Variants in DPP3 observed in about 807,000 individuals in gnomAD.
DPP3 encodes dipeptidyl peptidase 3, also known as DPP III.
DPP3 carries 64 observed loss-of-function variants against 89.8 expected under a neutral mutation model. The ratio of observed to expected loss-of-function variants is 0.71; its 90% CI spans 0.58 to 0.88. The LOEUF (loss-of-function observed/expected upper bound fraction) is 0.88. Ranked by LOEUF, DPP3 falls within the 40% of genes least tolerant of loss-of-function variation. DPP3 has a pLI of 0.00. For missense variants in DPP3, 835 were observed against 972.5 expected (o/e 0.86, Z 1.88); for synonymous variants, 377 against 404.3 (o/e 0.93, Z 0.81).
In DPP3 at chr11:66,491,845, C is replaced by G. The variant is rs545193609; in HGVS notation, c.988+89C>G. On this transcript the variant is annotated intron_variant, in intron 9 of 17. Coordinates refer to ENST00000531863, the MANE Select transcript of DPP3 (RefSeq NM_130443.4). The stretch of plus-strand genomic sequence containing the variant: ...GTGTCCCCTGATGGTTCTCCCCACC[C>G]CCGCTCAGCCATAACCATAACAGTA... The G allele has an allele frequency of 2.2e-6, 3 of 1,394,040 alleles. No homozygotes were observed. In the South Asian group the frequency reaches 3.5e-5, roughly 16 times the overall value. The allele number at this position is 1,394,040 out of a possible 1,614,324, so 86.4% of individuals were successfully genotyped here. A position where few individuals can be genotyped will look rare whatever the true frequency, so the allele number is the denominator to read the frequency against.
intron 12 of DPP3, 111 bp downstream of exon 12, chr11:66,493,744 T>C: frequency 3.4e-6 from 4 of 1,183,904 alleles, no homozygotes; most frequent in Non-Finnish European, 4.7e-6. Context: ...AGCTATGGGT[T>C]GAGTGGGGAA....
intron 16 of DPP3, among the ~76,000 whole-genome samples, chr11:66,503,718 T>C: frequency 6.6e-6 from 1 of 152,152 alleles, no homozygotes; most frequent in Non-Finnish European, 1.5e-5. Flanking sequence ...AAATCCCATC[T>C]CTACTAAAAA....
intron 2 of DPP3, 58 bp from the exon 3 acceptor site, chr11:66,485,115 G>A: frequency 9.9e-6 from 15 of 1,514,982 alleles, no homozygotes; most frequent in East Asian, 2.3e-5. Context: ...AGGAGGAGGT[G>A]TCGCTGGGGT....
At chr11:66,490,773 T>A (rs35138334) in intron 6 of DPP3, among the ~76,000 whole-genome samples, 1 of 123,656 alleles carries the variant, frequency 8.1e-6, no homozygotes, top group Non-Finnish European at 1.7e-5. Context: ...TTTTGTTTTG[T>A]TTTTTTTTTT....
At chr11:66,504,910 G>C (rs534160897) in intron 17 of DPP3, 136 bp downstream of exon 17, 40 of 964,484 alleles carry the variant, frequency 4.1e-5, no homozygotes, top group Middle Eastern at 3.5e-4. Context: ...TTTCTGCCAA[G>C]GTCCTTCCCA....
At chr11:66,496,032 T>C (rs1165170360) in intron 15 of DPP3, among the ~76,000 whole-genome samples, 1 of 152,196 alleles carries the variant, frequency 6.6e-6, no homozygotes, top group Non-Finnish European at 1.5e-5. Context: ...CACACAATTC[T>C]AAACGCCCTC....
Position 66,491,635 on chromosome 11 carries a change from AG to A in DPP3, c.929+12del, listed in dbSNP as rs780138964. 2.5e-6 allele frequency: 4 copies of A among 1,611,246 alleles called. No individual in the cohort carries two copies. Among genetic ancestry groups the A allele is most frequent in the Non-Finnish European group, 3.4e-6 (4 of 1,177,812 alleles). On this transcript the variant is annotated intron_variant, in intron 8 of 17. Transcript: ENST00000531863. ...CCCCATCGTGGAGAGGTGAGGCGCC[AG>A]CTCCACCCCACCTGCCCCCTCCTGC...
intron 6 of DPP3, among the ~76,000 whole-genome samples, chr11:66,490,699 G>T (rs1432022216): frequency 6.6e-6 from 1 of 152,014 alleles, no homozygotes; most frequent in Non-Finnish European, 1.5e-5. Context: ...GTTAACACAC[G>T]GAAAGCACAT....
intron 16 of DPP3, among the ~76,000 whole-genome samples, chr11:66,499,320 G>A (rs879697876): frequency 2.0e-5 from 3 of 150,146 alleles, no homozygotes; most frequent in East Asian, 2.0e-4. Flanking sequence ...CCGAGATTGC[G>A]CCACTGCACT....
At chr11:66,489,586 G>T (rs1475248742) in intron 6 of DPP3, among the ~76,000 whole-genome samples, 2 of 152,206 alleles carry the variant, frequency 1.3e-5, no homozygotes, top group African/African-American at 4.8e-5. Flanking sequence ...CTGCCCGAGT[G>T]GGTCATAATC....
rs1855108424 is a variant in DPP3 at position 66,482,304 on chromosome 11, A to G, written c.104A>G (p.Tyr35Cys). 1 of 1,613,928 alleles carries G rather than the reference A, an allele frequency of 6.2e-7. No individual in the cohort carries two copies. Among genetic ancestry groups the G allele is most frequent in the African/African-American group, 1.3e-5 (1 of 74,902 alleles). The change falls in exon 2 of 18, where the codon TAC becomes TGC. Residue 35 changes from tyrosine (Y) to cysteine (C), a missense_variant. Tyr to Cys is a radical substitution (Grantham distance 194). Coordinates refer to ENST00000531863, the MANE Select transcript of DPP3 (RefSeq NM_130443.4). ...TCACCCACAGAGCGCCTCTATGCCTACCACCTGTCCCGTGCCGCCTGGTAC... is the reference window on the plus strand; with the variant it reads ...TCACCCACAGAGCGCCTCTATGCCTGCCACCTGTCCCGTGCCGCCTGGTAC... ...LLSPTERLYA[Y>C]HLSRAAWYGG...
intron 1 of DPP3, 88 bp downstream of exon 1, chr11:66,480,553 T>C: frequency 7.2e-7 from 1 of 1,392,828 alleles, no homozygotes; most frequent in Non-Finnish European, 9.4e-7. Context: ...AATCGTTCCC[T>C]TTCTGCCCAC....
At chr11:66,493,760 C>A in intron 12 of DPP3, 127 bp downstream of exon 12, 2 of 978,388 alleles carry the variant, frequency 2.0e-6, no homozygotes, top group Non-Finnish European at 3.0e-6. Flanking sequence ...GGGAAAATGG[C>A]CCCTTAGGCA....
chr11:66,501,142 G>A (rs1855665571), intron 16 of DPP3, among the ~76,000 whole-genome samples: 2 of 151,490 alleles, frequency 1.3e-5, no homozygotes, highest in Admixed American at 6.6e-5. Context: ...AGCCAAGATC[G>A]TGCCACTGAA....
In DPP3 at chr11:66,485,175, G is replaced by T. The variant is rs146040863; in HGVS notation, c.273G>T (p.Ala91=). ...AEGLTEEEYQ[A]FLVYAAGVYS... Reference sequence around the variant, plus strand: ...TCTGATGCCTGCCTCCCCCTCAGGCGTTCCTGGTCTATGCCGCGGGTGTTT... The same window carrying T: ...TCTGATGCCTGCCTCCCCCTCAGGCTTTCCTGGTCTATGCCGCGGGTGTTT... The change falls in exon 3 of 18, where the codon GCG becomes GCT. Residue 91 remains alanine, a splice_region_variant and synonymous_variant. Transcript: ENST00000531863. 44 of 1,614,004 alleles carry T rather than the reference G, an allele frequency of 2.7e-5. No homozygotes were observed. The highest frequency in any genetic ancestry group is 3.5e-5 in the Non-Finnish European group (41 of 1,180,018).
At chr11:66,497,614 C>G in intron 16 of DPP3, 137 bp downstream of exon 16, 1 of 1,243,040 alleles carries the variant, frequency 8.0e-7, no homozygotes, top group South Asian at 1.6e-5. Context: ...CATGTAAGCG[C>G]ACCGGGTGCC....
At chr11:66,480,533 C>T in intron 1 of DPP3, 68 bp downstream of exon 1, 3 of 1,440,974 alleles carry the variant, frequency 2.1e-6, no homozygotes, top group Non-Finnish European at 2.7e-6. Flanking sequence ...CGAATCCATA[C>T]TGAGCGCAAA....
chr11:66,497,445 C>T lies in DPP3; in HGVS notation c.1846C>T (p.Pro616Ser). The T allele has an allele frequency of 6.2e-7, 1 of 1,613,980 alleles. No individual in the cohort carries two copies. The highest frequency in any genetic ancestry group is 8.5e-7 in the Non-Finnish European group (1 of 1,180,016). Residue 616 changes from proline to serine, a missense_variant, in exon 16 of 18, where the codon CCT becomes TCT. Transcript: ENST00000531863. ...DRSKIRSVGK[P>S]ALERFLRRLQ... is the part of the protein sequence containing the mutation. ...CAGCAAGATCCGGTCTGTGGGCAAG[C>T]CTGCTCTAGAGCGCTTCCTGCGGAG...
At chr11:66,480,718 C>T (rs1276158229) in intron 1 of DPP3, 7 of 389,976 alleles carry the variant, frequency 1.8e-5, no homozygotes, top group Non-Finnish European at 1.8e-5. Context: ...CACTCTGTCC[C>T]AGCCGGGACG....
Sources: gnomAD v4.1 joint callset for allele counts (sites outside exome capture counted in the v4.1 genomes callset) on GRCh38, gnomAD v4.1.1 for gene constraint, MANE v1.5 for transcripts, NCBI Gene and HGNC (gene_info 2026-07-23, HGNC 2026-07-21) for gene names.